The following MSH4 variants were observed in gnomAD, a reference collection of about 807,000 sequenced individuals.
MSH4 encodes mutS protein homolog 4.
In MSH4, 106 loss-of-function variants were observed where a neutral mutation model predicts 113.7. The observed-to-expected ratio is 0.93, with a 90% CI of 0.80 to 1.10. The LOEUF (loss-of-function observed/expected upper bound fraction) is 1.10, where lower values mean the gene tolerates loss of function less well. Ranked by LOEUF, MSH4 falls within the 50% of genes least tolerant of loss-of-function variation. The pLI is 0.00. For missense variants in MSH4, 1,061 were observed against 1,093.7 expected (o/e 0.97, Z 0.42); for synonymous variants, 368 against 380.2 (o/e 0.97, Z 0.37).
intron 7 of MSH4, 139 bp from the exon 8 acceptor site, chr1:75,848,070 A>G: frequency 1.9e-6 from 1 of 531,852 alleles, no homozygotes; most frequent in Non-Finnish European, 3.3e-6. Context: ...TTTTACATGT[A>G]AGATAGTTAA....
At chr1:75,832,922 C>A (rs1038068587) in intron 7 of MSH4, among the ~76,000 whole-genome samples, 1 of 152,060 alleles carries the variant, frequency 6.6e-6, no homozygotes, top group African/African-American at 2.4e-5. Context: ...ATAGTGTTGG[C>A]AGTTCTGGTC....
chr1:75,887,796 G>A (rs376783307), intron 15 of MSH4, among the ~76,000 whole-genome samples: 1 of 151,952 alleles, frequency 6.6e-6, no homozygotes, highest in Non-Finnish European at 1.5e-5. Context: ...GAAATGGACA[G>A]TTTGTTTATG....
chr1:75,859,823 T>C (rs1651412371), intron 8 of MSH4, among the ~76,000 whole-genome samples: 1 of 152,202 alleles, frequency 6.6e-6, no homozygotes. Context: ...CCTTGTTAAT[T>C]TTCTGTCTCA....
intron 9 of MSH4, among the ~76,000 whole-genome samples, chr1:75,872,836 C>G (rs1037522781): frequency 1.3e-5 from 2 of 152,178 alleles, no homozygotes; most frequent in Non-Finnish European, 2.9e-5. Context: ...TGGAGAAATT[C>G]ATTGATGAGT....
intron 5 of MSH4, among the ~76,000 whole-genome samples, chr1:75,815,514 G>A (rs1342888745): frequency 6.6e-6 from 1 of 152,154 alleles, no homozygotes; most frequent in African/African-American, 2.4e-5. Flanking sequence ...TAAAACACAG[G>A]TAAAGCTGTG....
At chr1:75,812,577 C>A (rs1319868135) in intron 4 of MSH4, among the ~76,000 whole-genome samples, 3 of 152,064 alleles carry the variant, frequency 2.0e-5, no homozygotes, top group Non-Finnish European at 2.9e-5. Flanking sequence ...GCCTGTAGTC[C>A]CAGCTACTCG....
At chr1:75,815,943 G>A (rs1335155284) in intron 5 of MSH4, among the ~76,000 whole-genome samples, 1 of 150,944 alleles carries the variant, frequency 6.6e-6, no homozygotes, top group African/African-American at 2.4e-5. Flanking sequence ...GGGAGGTGGA[G>A]GTTGCAGTGA....
At position 75,906,452 on chromosome 1, in the gene MSH4, TAC is replaced by T. The variant is rs1398230914; in HGVS notation, c.2620-6242_2620-6241del. Among the ~76,000 whole-genome samples, 2 of 45,646 alleles carry T rather than the reference TAC, an allele frequency of 4.4e-5. 1 individual carries two copies. The highest frequency in any genetic ancestry group is 1.6e-3 in the South Asian group (2 of 1,280). The allele number at this position is 45,646 out of a possible 152,430, so 29.9% of individuals were successfully genotyped here. A position where few individuals can be genotyped will look rare whatever the true frequency, so the allele number is the denominator to read the frequency against. On this transcript the variant is annotated intron_variant, in intron 19 of 19. Coordinates refer to ENST00000263187, the MANE Select transcript of MSH4 (RefSeq NM_002440.4). ...ATATTTTTAATATATATAATATATA[TAC>T]AATATTATATATATTATATATAATA...
chr1:75,799,677 G>C (rs1649893854), intron 1 of MSH4, among the ~76,000 whole-genome samples: 1 of 152,210 alleles, frequency 6.6e-6, no homozygotes, highest in Non-Finnish European at 1.5e-5. Flanking sequence ...GAGCAGGAGA[G>C]TGATCTAGGT....
chr1:75,832,817 A>T (rs368578916), intron 7 of MSH4, among the ~76,000 whole-genome samples: 22 of 152,172 alleles, frequency 1.4e-4, no homozygotes, highest in African/African-American at 5.3e-4. Context: ...TGACACACCC[A>T]CAGCCAATAT....
chr1:75,859,093 T>C (rs1651389260), intron 8 of MSH4, among the ~76,000 whole-genome samples: 1 of 152,246 alleles, frequency 6.6e-6, no homozygotes, highest in South Asian at 2.1e-4. Flanking sequence ...TGAATTTCTG[T>C]GGGATCGATG....
chr1:75,824,524 T>G (rs1650502410), intron 7 of MSH4, among the ~76,000 whole-genome samples: 1 of 152,236 alleles, frequency 6.6e-6, no homozygotes, highest in Non-Finnish European at 1.5e-5. Context: ...GCTTTTGGTG[T>G]TGTAGTCATG....
chr1:75,883,942 C>T (rs1459450645), intron 15 of MSH4, 121 bp downstream of exon 15: 41 of 717,056 alleles, frequency 5.7e-5, no homozygotes, highest in Non-Finnish European at 8.4e-5. Flanking sequence ...GATTCTGTTA[C>T]CTAAAAGTAT....
At chr1:75,880,362 A>G (rs866170009) in intron 13 of MSH4, among the ~76,000 whole-genome samples, 7 of 152,102 alleles carry the variant, frequency 4.6e-5, no homozygotes, top group South Asian at 2.1e-4. Flanking sequence ...TTTATAATTG[A>G]TATTTCTGTA....
At chr1:75,861,396 T>C (rs765570977) in intron 8 of MSH4, among the ~76,000 whole-genome samples, 2 of 152,250 alleles carry the variant, frequency 1.3e-5, no homozygotes, top group East Asian at 3.8e-4. Context: ...CCCATCTTCA[T>C]GGTTTTATCT....
intron 3 of MSH4, among the ~76,000 whole-genome samples, chr1:75,808,192 G>A (rs1650109831): frequency 6.6e-6 from 1 of 152,164 alleles, no homozygotes; most frequent in Admixed American, 6.5e-5. Context: ...GACTTAGGTT[G>A]TCCCTGGTGG....
In MSH4 at chr1:75,886,931, T is replaced by C. The variant is rs1652137778; in HGVS notation, c.2108-2320T>C. 2.0e-5 allele frequency among the ~76,000 whole-genome samples: 3 copies of C among 150,654 alleles called. No individual in the cohort carries two copies. The South Asian group carries it at 6.2e-4, about 31-fold the overall frequency. On this transcript the variant is annotated intron_variant, in intron 15 of 19. Transcript: ENST00000263187. ...GTTGTATTTGAAATCTAAGTTCTGC[T>C]CTCTGAGGGCAGGACCCATGTCTGT... is the stretch of plus-strand genomic sequence containing the variant.
At chr1:75,804,868 G>A (rs942698685) in intron 2 of MSH4, among the ~76,000 whole-genome samples, 5 of 151,206 alleles carry the variant, frequency 3.3e-5, no homozygotes, top group South Asian at 2.1e-4. Context: ...TTGCTCTGTC[G>A]CCCAGGCTGG....
intron 14 of MSH4, 50 bp downstream of exon 14, chr1:75,881,420 C>A: frequency 1.3e-6 from 2 of 1,562,764 alleles, no homozygotes; most frequent in South Asian, 1.1e-5. Flanking sequence ...AATTTGTATT[C>A]GATTCAAACA....
Sources: allele counts gnomAD v4.1 joint callset (sites outside exome capture counted in the v4.1 genomes callset), GRCh38; gene constraint gnomAD v4.1.1; transcripts MANE v1.5; gene names NCBI Gene and HGNC (gene_info 2026-07-23, HGNC 2026-07-21).